The following FZD6 variants were observed in gnomAD, a reference collection of about 807,000 sequenced individuals.
FZD6 encodes frizzled-6.
In FZD6, 49 loss-of-function variants were observed where a neutral mutation model predicts 61.4. The observed-to-expected ratio is 0.80, with a 90% confidence interval of 0.63 to 1.01. FZD6 has a LOEUF of 1.01. FZD6 is among the 50% of genes least tolerant of loss of function. The pLI is 0.00. For synonymous variants in FZD6, 265 were observed against 292.2 expected (o/e 0.91, Z 0.95); for missense variants, 724 against 848.2 (o/e 0.85, Z 1.82).
chr8:103,315,909 C>T (rs1293022417), intron 2 of FZD6, among the ~76,000 whole-genome samples: 1 of 152,170 alleles, frequency 6.6e-6, no homozygotes, highest in Non-Finnish European at 1.5e-5. Context: ...AGGTGTTCCT[C>T]TGGTATGCAG....
At chr8:103,318,158 A>G (rs1213034458) in intron 2 of FZD6, among the ~76,000 whole-genome samples, 1 of 152,216 alleles carries the variant, frequency 6.6e-6, no homozygotes, top group Non-Finnish European at 1.5e-5. Flanking sequence ...TTCAATGATC[A>G]TAATTGGGAA....
rs1315017778 is a variant in FZD6 at position 103,298,991 on chromosome 8, C to G, written c.-157C>G. The G allele has an allele frequency of 1.3e-5, 2 of 152,472 alleles. No homozygotes were observed. The highest frequency in any genetic ancestry group is 2.1e-4 in the South Asian group (1 of 4,868). 9.4% of individuals were successfully genotyped at this position (152,472 alleles called of 1,614,324 possible). A position where few individuals can be genotyped will look rare whatever the true frequency, so the allele number is the denominator to read the frequency against. ...AGGGACAGCGGCCTTCGACCGCCCCCCGAGGTGAGGCTTCCACGGCTGGGA... is the reference window on the plus strand; with the variant it reads ...AGGGACAGCGGCCTTCGACCGCCCCGCGAGGTGAGGCTTCCACGGCTGGGA... On this transcript the variant is annotated 5_prime_UTR_variant, in exon 1 of 7. Transcript: ENST00000358755.
intron 6 of FZD6, 67 bp downstream of exon 6, chr8:103,330,132 C>T: frequency 1.5e-6 from 2 of 1,367,086 alleles, no homozygotes; most frequent in African/African-American, 1.4e-5. Flanking sequence ...TTTATTAAAG[C>T]ATAACACATT....
chr8:103,326,719 TAATC>T (rs1169459034), intron 4 of FZD6, among the ~76,000 whole-genome samples: 2 of 148,960 alleles, frequency 1.3e-5, no homozygotes, highest in African/African-American at 4.9e-5. Context: ...AAACAATCCA[TAATC>T]AATGTCAAAA....
At chr8:103,324,399 T>G in intron 3 of FZD6, 82 bp from the exon 4 acceptor site, 1 of 746,670 alleles carries the variant, frequency 1.3e-6, no homozygotes. Context: ...AAGGTAATAT[T>G]TTATAGTTGG....
In FZD6 at chr8:103,300,263, T is replaced by C. The variant is rs1276368861; in HGVS notation, c.156T>C (p.Ser52=). Residue 52 remains serine (S), a synonymous_variant, in exon 2 of 7, where the codon AGT becomes AGC. Coordinates refer to ENST00000358755, the MANE Select transcript of FZD6 (RefSeq NM_003506.4). ...ATCTGATGGGTCATTATGACCAGAG[T>C]ATTGCCGCGGTGGAAATGGAGGTGA... ...FPNLMGHYDQ[S]IAAVEMEHFL... 1 of 1,611,590 alleles carries C rather than the reference T, an allele frequency of 6.2e-7. No homozygotes were observed.
At chr8:103,327,647 T>A (rs1814991229) in intron 4 of FZD6, among the ~76,000 whole-genome samples, 1 of 152,108 alleles carries the variant, frequency 6.6e-6, no homozygotes, top group African/African-American at 2.4e-5. Context: ...TCTATTTGTA[T>A]TGATACAGAA....
At position 103,328,385 on chromosome 8, in the gene FZD6, G is replaced by C; in HGVS notation, c.1510G>C (p.Ala504Pro). 3 of 1,613,110 alleles carry C rather than the reference G, an allele frequency of 1.9e-6. No homozygotes were observed. Among genetic ancestry groups the C allele is most frequent in the Non-Finnish European group, 2.5e-6 (3 of 1,179,224 alleles). Residue 504 changes from alanine (A) to proline (P), a missense_variant, in exon 5 of 7, where the codon GCT (alanine) becomes CCT (proline). Transcript: ENST00000358755. The part of the protein sequence containing the change: ...VGSKKTCTEW[A>P]GFFKRNRKRD... ...AAGCAAAAAGACATGCACAGAATGG[G>C]CTGGGTTTTTTAAACGAAATCGCAA...
At chr8:103,309,305 T>C (rs1023354637) in intron 2 of FZD6, among the ~76,000 whole-genome samples, 16 of 152,164 alleles carry the variant, frequency 1.1e-4, no homozygotes, top group African/African-American at 3.6e-4. Flanking sequence ...TGAGAACAAA[T>C]TGCTTTTGTA....
chr8:103,299,793 A>G (rs1414624332), intron 1 of FZD6, among the ~76,000 whole-genome samples, 163 bp from the exon 2 acceptor site: 3 of 152,192 alleles, frequency 2.0e-5, no homozygotes, highest in Non-Finnish European at 4.4e-5. Context: ...AGCAAATGAT[A>G]TATTCCATGC....
chr8:103,318,671 G>C lies in FZD6; in HGVS notation c.259G>C (p.Glu87Gln). ...CAAAGCATTTGTACCAACCTGCATA[G>C]AACAAATTCATGTGGTTCCACCTTG... is the stretch of plus-strand genomic sequence containing the variant. ...LCKAFVPTCI[E>Q]QIHVVPPCRK... The change falls in exon 3 of 7, where the codon GAA becomes CAA. Residue 87 changes from glutamate (E) to glutamine (Q), a missense_variant. Transcript: ENST00000358755. 1 of 1,608,146 alleles carries C rather than the reference G, an allele frequency of 6.2e-7. No individual in the cohort carries two copies. Among genetic ancestry groups the C allele is most frequent in the South Asian group, 1.1e-5 (1 of 90,986 alleles).
Position 103,329,766 on chromosome 8 carries a change from G to T in FZD6, c.1653G>T (p.Leu551=). 6.2e-7 allele frequency: 1 copy of T among 1,614,062 alleles called. No homozygotes were observed. The highest frequency in any genetic ancestry group is 8.5e-7 in the Non-Finnish European group (1 of 1,179,924). ...KKHYKPSSHK[L]KVISKSMGTS... is the part of the protein sequence containing the mutation. ...ACTATAAACCAAGTTCACACAAGCT[G>T]AAGGTCATTTCCAAATCCATGGGAA... The change falls in exon 6 of 7, where the codon CTG becomes CTT. Residue 551 remains leucine, a synonymous_variant. Transcript: ENST00000358755.
At chr8:103,315,266 A>C (rs1162733802) in intron 2 of FZD6, among the ~76,000 whole-genome samples, 1 of 152,066 alleles carries the variant, frequency 6.6e-6, no homozygotes, top group Non-Finnish European at 1.5e-5. Flanking sequence ...GATGACTTGT[A>C]AATCCATATC....
At chr8:103,320,880 C>T (rs1337641033) in intron 3 of FZD6, among the ~76,000 whole-genome samples, 1 of 152,152 alleles carries the variant, frequency 6.6e-6, no homozygotes, top group Non-Finnish European at 1.5e-5. Flanking sequence ...ACTGATGATT[C>T]ATTCAACTCA....
At chr8:103,319,531 G>A (rs1054948590) in intron 3 of FZD6, among the ~76,000 whole-genome samples, 4 of 152,184 alleles carry the variant, frequency 2.6e-5, no homozygotes, top group African/African-American at 9.7e-5. Context: ...GGCAGTTTCT[G>A]TTAGGAATCC....
rs757294301 is a variant in FZD6 at position 103,325,362 on chromosome 8, T to A, written c.1256T>A (p.Val419Asp). ...AAGAAATTTATGATTCGAATTGGAG[T>A]CTTCAGCGGCTTGTATCTTGTGCCA... ...KLKKFMIRIG[V>D]FSGLYLVPLV... Residue 419 changes from valine (V) to aspartate (D), a missense_variant, in exon 4 of 7, where the codon GTC becomes GAC. Val to Asp is a radical substitution (Grantham distance 152, BLOSUM62 -3). Coordinates refer to ENST00000358755, the MANE Select transcript of FZD6 (RefSeq NM_003506.4). The A allele has an allele frequency of 3.1e-6, 5 of 1,613,936 alleles. No individual in the cohort carries two copies. The highest frequency in any genetic ancestry group is 4.2e-6 in the Non-Finnish European group (5 of 1,179,930).
At chr8:103,328,865 T>C (rs1361084653) in intron 5 of FZD6, among the ~76,000 whole-genome samples, 2 of 151,208 alleles carry the variant, frequency 1.3e-5, no homozygotes, top group Non-Finnish European at 3.0e-5. Flanking sequence ...TGATGTGTTA[T>C]GGTCATTATT....
intron 2 of FZD6, 105 bp from the exon 3 acceptor site, chr8:103,318,485 T>C: frequency 1.4e-6 from 1 of 727,600 alleles, no homozygotes; most frequent in South Asian, 1.5e-5. Context: ...TTAAAGATTC[T>C]TTTGCAGTAT....
chr8:103,318,261 G>A (rs1483868174), intron 2 of FZD6, among the ~76,000 whole-genome samples: 1 of 152,206 alleles, frequency 6.6e-6, no homozygotes, highest in Non-Finnish European at 1.5e-5. Flanking sequence ...GGGGCCTCAA[G>A]AGGAAGCTAG....
Sources: gnomAD v4.1 joint callset for allele counts (sites outside exome capture counted in the v4.1 genomes callset) on GRCh38, gnomAD v4.1.1 for gene constraint, MANE v1.5 for transcripts, NCBI Gene and HGNC (gene_info 2026-07-23, HGNC 2026-07-21) for gene names.